Variants in PCDHA3 observed in about 807,000 individuals in gnomAD.
The protein encoded by PCDHA3 is protocadherin alpha-3.
In PCDHA3, 41 loss-of-function variants were observed where a neutral mutation model predicts 62.2. The ratio of observed to expected loss-of-function variants is 0.66; its 90% CI spans 0.51 to 0.86. The LOEUF (loss-of-function observed/expected upper bound fraction) is 0.86. Among genes scored for constraint, PCDHA3 ranks in the 40% least tolerant of loss-of-function variants. The pLI, the probability that PCDHA3 is intolerant of heterozygous loss-of-function variation, is 0.00. For missense variants in PCDHA3, 1,304 were observed against 1,241.2 expected (o/e 1.05, Z -0.76); for synonymous variants, 640 against 555.4 (o/e 1.15, Z -2.14).
intron 1 of PCDHA3, among the ~76,000 whole-genome samples, chr5:140,894,543 T>C (rs782418710): frequency 2.6e-5 from 4 of 152,088 alleles, no homozygotes; most frequent in Non-Finnish European, 4.4e-5. Flanking sequence ...TCTGGTTTAG[T>C]GTTTACTTCT....
chr5:140,806,745 G>A (rs1763776480), intron 1 of PCDHA3, among the ~76,000 whole-genome samples: 5 of 152,188 alleles, frequency 3.3e-5, no homozygotes, highest in African/African-American at 1.2e-4. Flanking sequence ...TGTTTACAAA[G>A]TGTATAGTTA....
intron 1 of PCDHA3, chr5:140,822,830 C>T: frequency 1.2e-6 from 2 of 1,614,160 alleles, no homozygotes; most frequent in Non-Finnish European, 1.7e-6. Context: ...ATGGCCATAA[C>T]CACCCTTTTC....
chr5:141,008,837 C>G (rs1460664317), intron 3 of PCDHA3, among the ~76,000 whole-genome samples: 1 of 152,178 alleles, frequency 6.6e-6, no homozygotes, highest in Non-Finnish European at 1.5e-5. Flanking sequence ...CATCCTCTTA[C>G]GCTGTGTATT....
intron 1 of PCDHA3, chr5:140,852,246 CTT>C (rs1364833790): frequency 5.5e-6 from 3 of 546,116 alleles, no homozygotes; most frequent in Admixed American, 6.5e-5. Context: ...TTAAAACACA[CTT>C]TTGGAATATG....
At position 140,828,334 on chromosome 5, in the gene PCDHA3, T is replaced by G. The variant is rs782374670; in HGVS notation, c.2394+24743T>G. 3.7e-6 allele frequency: 6 copies of G among 1,614,106 alleles called. No individual in the cohort carries two copies. The highest frequency in any genetic ancestry group is 5.1e-6 in the Non-Finnish European group (6 of 1,180,052). On this transcript the variant is annotated intron_variant, in intron 1 of 3. Coordinates refer to ENST00000522353, the MANE Select transcript of PCDHA3 (RefSeq NM_018906.3). ...ACCTTCTGGAGGTAAATCTGCAGAA[T>G]GGCATTTTGTTTGTGAATTCTCGGA...
Position 140,802,046 on chromosome 5 carries a change from G to A in PCDHA3, c.849G>A (p.Thr283=), listed in dbSNP as rs150869663. The change falls in exon 1 of 4, where the codon ACG becomes ACA. Residue 283 remains threonine, a synonymous_variant. Coordinates refer to ENST00000522353, the MANE Select transcript of PCDHA3 (RefSeq NM_018906.3). ...AGGATATCGCGTATTCTTTCAATAC[G>A]GACATGTCAGCAGATATTCTGTCAA... ...VNKDIAYSFN[T]DMSADILSKF... 9.1e-5 allele frequency: 147 copies of A among 1,614,100 alleles called. 1 individual carries two copies. In the African/African-American group the frequency reaches 1.6e-3, roughly 18 times the overall value.
At chr5:140,991,754 G>A (rs1554252407) in intron 3 of PCDHA3, among the ~76,000 whole-genome samples, 2 of 152,034 alleles carry the variant, frequency 1.3e-5, no homozygotes, top group African/African-American at 4.8e-5. Context: ...TTTCTATCAT[G>A]CTCTTCAAAA....
chr5:140,868,901 C>T lies in PCDHA3; in HGVS notation c.2394+65310C>T, dbSNP rs1408967625. 6 of 828,816 alleles carry T rather than the reference C, an allele frequency of 7.2e-6. No homozygotes were observed. In the African/African-American group the frequency reaches 1.0e-4, roughly 14 times the overall value. The allele number at this position is 828,816 out of a possible 1,614,324, so 51.3% of individuals were successfully genotyped here. ...TCACAGTTTTAGGCGCAAGGTGTCG[C>T]TCTTTACTTGGTGGAAAGTTCATTT... On this transcript the variant is annotated intron_variant, in intron 1 of 3. Transcript: ENST00000522353.
At chr5:140,889,946 C>T (rs1554184112) in intron 1 of PCDHA3, among the ~76,000 whole-genome samples, 1 of 152,114 alleles carries the variant, frequency 6.6e-6, no homozygotes, top group East Asian at 1.9e-4. Flanking sequence ...TGTGAGAAGC[C>T]AAATGGATAG....
chr5:140,823,068 G>C, intron 1 of PCDHA3: 1 of 1,614,034 alleles, frequency 6.2e-7, no homozygotes, highest in Non-Finnish European at 8.5e-7. Context: ...ACGGGGGCTC[G>C]CCTTCGCTGT....
At chr5:140,898,961 G>A (rs1405112699) in intron 1 of PCDHA3, among the ~76,000 whole-genome samples, 1 of 152,036 alleles carries the variant, frequency 6.6e-6, no homozygotes, top group African/African-American at 2.4e-5. Flanking sequence ...AGTTGTGAAT[G>A]GGAGTTCACT....
At chr5:140,915,753 G>A (rs1196952771) in intron 1 of PCDHA3, among the ~76,000 whole-genome samples, 1 of 151,952 alleles carries the variant, frequency 6.6e-6, no homozygotes, top group Non-Finnish European at 1.5e-5. Context: ...AGCCAGCACA[G>A]CCCTGGGTCT....
At chr5:140,819,877 T>G (rs911767845) in intron 1 of PCDHA3, among the ~76,000 whole-genome samples, 1 of 152,046 alleles carries the variant, frequency 6.6e-6, no homozygotes, top group African/African-American at 2.4e-5. Flanking sequence ...TACTCAGTAT[T>G]TATCATAATA....
intron 1 of PCDHA3, chr5:140,821,541 T>C (rs1554128117): frequency 4.1e-6 from 2 of 484,252 alleles, no homozygotes; most frequent in African/African-American, 1.9e-5. Flanking sequence ...ACACTTACCC[T>C]TTCATCCACA....
intron 1 of PCDHA3, among the ~76,000 whole-genome samples, chr5:140,889,692 T>C (rs1237047126): frequency 1.3e-5 from 2 of 152,202 alleles, no homozygotes; most frequent in Non-Finnish European, 1.5e-5. Context: ...TTTAGTATTA[T>C]GGGCATATTC....
chr5:140,817,798 C>G (rs1766206298), intron 1 of PCDHA3, among the ~76,000 whole-genome samples: 1 of 152,052 alleles, frequency 6.6e-6, no homozygotes, highest in Non-Finnish European at 1.5e-5. Flanking sequence ...GGTAAAGAAA[C>G]CTTTACGTTT....
At chr5:140,885,176 G>A (rs965470861) in intron 1 of PCDHA3, among the ~76,000 whole-genome samples, 1 of 151,510 alleles carries the variant, frequency 6.6e-6, no homozygotes. Context: ...TGTCCTCTAG[G>A]CACATCAGTG....
intron 1 of PCDHA3, chr5:140,851,996 G>C: frequency 1.0e-6 from 1 of 976,024 alleles, no homozygotes; most frequent in Non-Finnish European, 1.2e-6. Flanking sequence ...CTATTTGTTT[G>C]TTTTCTAATT....
In PCDHA3 at chr5:140,856,147, A is replaced by C. The variant is rs142037616; in HGVS notation, c.2394+52556A>C. Reference sequence around the variant, plus strand: ...TGGGGAGCGGCCAGCTCCACTACTCAGTCTACGAGGAGGCCAGACACGGCA... The same window carrying C: ...TGGGGAGCGGCCAGCTCCACTACTCCGTCTACGAGGAGGCCAGACACGGCA... On this transcript the variant is annotated intron_variant, in intron 1 of 3. Coordinates refer to ENST00000522353, the MANE Select transcript of PCDHA3 (RefSeq NM_018906.3). 34 of 1,598,116 alleles carry C rather than the reference A, an allele frequency of 2.1e-5. 2 individuals are homozygous for C. Among genetic ancestry groups the C allele is most frequent in the Middle Eastern group, 1.7e-4 (1 of 6,012 alleles).
Sources: allele counts gnomAD v4.1 joint callset (sites outside exome capture counted in the v4.1 genomes callset), GRCh38; gene constraint gnomAD v4.1.1; transcripts MANE v1.5; gene names NCBI Gene and HGNC (gene_info 2026-07-23, HGNC 2026-07-21).